The following CASP9 variants were observed in gnomAD, a reference collection of about 807,000 sequenced individuals.
The protein encoded by CASP9 is caspase 9, also known as caspase-9.
CASP9 carries 29 observed loss-of-function variants against 43.5 expected under a neutral mutation model. The observed-to-expected ratio is 0.67, with a 90% confidence interval of 0.50 to 0.91. The LOEUF (loss-of-function observed/expected upper bound fraction) is 0.91. CASP9 is among the 40% of genes least tolerant of loss of function. The pLI, the probability that CASP9 is intolerant of heterozygous loss-of-function variation, is 0.00. For synonymous variants in CASP9, 206 were observed against 211.9 expected (o/e 0.97, Z 0.24); for missense variants, 575 against 537.4 (o/e 1.07, Z -0.69).
In CASP9 at chr1:15,492,338, A is replaced by T. The variant is rs557195759; in HGVS notation, c.*605T>A. 1 of 152,392 alleles carries T rather than the reference A, an allele frequency of 6.6e-6. No homozygotes were observed. Among genetic ancestry groups the T allele is most frequent in the South Asian group, 2.1e-4 (1 of 4,832 alleles). The allele number at this position is 152,392 out of a possible 1,614,324, so 9.4% of individuals were successfully genotyped here. ...AATATAGGAAAAATTAACAATTTTT[A>T]AAATTTCACTTAGAATTCATAGATT... is the stretch of plus-strand genomic sequence containing the variant. On this transcript the variant is annotated 3_prime_UTR_variant, in exon 9 of 9. Transcript: ENST00000333868.
intron 6 of CASP9, among the ~76,000 whole-genome samples, chr1:15,502,886 G>A (rs1290616235): frequency 1.3e-5 from 2 of 152,220 alleles, no homozygotes; most frequent in Admixed American, 6.5e-5. Flanking sequence ...GACAGGAGGT[G>A]AGGCAGAGCA....
Position 15,492,721 on chromosome 1 carries a change from G to C in CASP9, c.*222C>G. On this transcript the variant is annotated 3_prime_UTR_variant, in exon 9 of 9. Transcript: ENST00000333868. Reference sequence around the variant, plus strand: ...GACCAGCCACTGCTCAAGAGGCCACGTGCAATCCACGGCATTCATCTGTCC... The same window carrying C: ...GACCAGCCACTGCTCAAGAGGCCACCTGCAATCCACGGCATTCATCTGTCC... The C allele has an allele frequency of 1.6e-6, 1 of 610,226 alleles. No homozygotes were observed. Among genetic ancestry groups the C allele is most frequent in the Admixed American group, 3.0e-5 (1 of 33,088 alleles). The allele number at this position is 610,226 out of a possible 1,614,324, so 37.8% of individuals were successfully genotyped here.
At chr1:15,496,566 C>T (rs4661636) in intron 6 of CASP9, among the ~76,000 whole-genome samples, 37,124 of 152,070 alleles carry the variant, frequency 0.24, 5,739 homozygotes, top group South Asian at 0.37. Context: ...TAGCAGGATA[C>T]GAAGCCAACC....
chr1:15,496,929 C>G (rs1462120968), intron 6 of CASP9, among the ~76,000 whole-genome samples: 2 of 151,926 alleles, frequency 1.3e-5, no homozygotes, highest in African/African-American at 4.8e-5. Context: ...GTGGGAGAAC[C>G]ACTTGAGTCC....
chr1:15,515,258 T>C (rs930943797), intron 2 of CASP9, among the ~76,000 whole-genome samples: 17 of 152,332 alleles, frequency 1.1e-4, no homozygotes, highest in African/African-American at 3.6e-4. Context: ...GTAATGCACA[T>C]GGCCAATTCC....
At chr1:15,500,604 G>A (rs1333940761) in intron 6 of CASP9, among the ~76,000 whole-genome samples, 1 of 152,142 alleles carries the variant, frequency 6.6e-6, no homozygotes, top group Non-Finnish European at 1.5e-5. Flanking sequence ...GCCTCCAAAG[G>A]GGGGCCTCTT....
At position 15,506,976 on chromosome 1, in the gene CASP9, T is replaced by A. The variant is rs751227269; in HGVS notation, c.553A>T (p.Ile185Phe). The A allele has an allele frequency of 6.2e-7, 1 of 1,614,158 alleles. No individual in the cohort carries two copies. Among genetic ancestry groups the A allele is most frequent in the Admixed American group, 1.7e-5 (1 of 60,022 alleles). ...CGACGCCGCAACTTCTCACAGTCGATGTTGGAGCCAGTGCGGGTGCGGAGC... is the reference window on the plus strand; with the variant it reads ...CGACGCCGCAACTTCTCACAGTCGAAGTTGGAGCCAGTGCGGGTGCGGAGC... Reference protein sequence around the residue: ...SGLRTRTGSNIDCEKLRRRFS... With the variant: ...SGLRTRTGSNFDCEKLRRRFS... Residue 185 changes from isoleucine (I) to phenylalanine (F), a missense_variant, in exon 4 of 9, where the codon ATC (isoleucine) becomes TTC (phenylalanine). Ile to Phe is a conservative substitution (Grantham distance 21). Transcript: ENST00000333868.
At chr1:15,497,173 T>G (rs1431949461) in intron 6 of CASP9, among the ~76,000 whole-genome samples, 2 of 150,850 alleles carry the variant, frequency 1.3e-5, no homozygotes, top group Non-Finnish European at 3.0e-5. Context: ...TACCCAGGCG[T>G]GGTGGTGGGC....
In CASP9 at chr1:15,518,095, T is replaced by C. The variant is rs1710023592; in HGVS notation, c.418+15A>G. The C allele has an allele frequency of 1.9e-6, 3 of 1,612,288 alleles. No individual in the cohort carries two copies. Among genetic ancestry groups the C allele is most frequent in the Non-Finnish European group, 2.5e-6 (3 of 1,178,626 alleles). On this transcript the variant is annotated intron_variant, in intron 2 of 8. Transcript: ENST00000333868. ...CGTGTCATGCCCACCCACCAATCAC[T>C]CTCTTGCTACTTACCGACATCACCA...
rs546032452 is a variant in CASP9, at chr1:15,521,664, C to A, written c.132+2405G>T. The stretch of plus-strand genomic sequence containing the variant: ...CTTATCAATCACTTAGAAGATTCAC[C>A]CTCCTTACCCTGTCCCCTTGCCTTA... On this transcript the variant is annotated intron_variant, in intron 1 of 8. Coordinates refer to ENST00000333868, the MANE Select transcript of CASP9 (RefSeq NM_001229.5). Among the ~76,000 whole-genome samples the A allele has an allele frequency of 2.6e-5, 4 of 152,310 alleles. No homozygotes were observed. The South Asian group carries it at 8.3e-4, about 32-fold the overall frequency.
At chr1:15,493,235 C>G (rs1402859033) in intron 8 of CASP9, 200 bp from the exon 9 acceptor site, 20 of 1,412,376 alleles carry the variant, frequency 1.4e-5, no homozygotes, top group Non-Finnish European at 1.6e-5. Flanking sequence ...TTTCCAAATT[C>G]ATAAAGTTCA....
chr1:15,511,917 A>T (rs1340817226), intron 2 of CASP9, among the ~76,000 whole-genome samples: 1 of 152,164 alleles, frequency 6.6e-6, no homozygotes, highest in Non-Finnish European at 1.5e-5. Context: ...CAATTTAGAA[A>T]TCACAGAAGG....
intron 6 of CASP9, among the ~76,000 whole-genome samples, chr1:15,497,699 G>C (rs1305965068): frequency 6.6e-6 from 1 of 151,418 alleles, no homozygotes; most frequent in Admixed American, 6.6e-5. Flanking sequence ...TCATGGATTA[G>C]AAAACTTAAA....
At chr1:15,493,569 A>G in intron 8 of CASP9, 1 of 1,419,690 alleles carries the variant, frequency 7.0e-7, no homozygotes, top group Non-Finnish European at 9.2e-7. Context: ...GGGGCCCATG[A>G]CCCGCCTTCA....
intron 1 of CASP9, among the ~76,000 whole-genome samples, chr1:15,523,815 T>G (rs943105702): frequency 6.6e-6 from 1 of 152,264 alleles, no homozygotes; most frequent in Non-Finnish European, 1.5e-5. Flanking sequence ...ATTCATGAAT[T>G]GTTTCTTATT....
At chr1:15,495,093 G>A (rs1016588983) in intron 7 of CASP9, among the ~76,000 whole-genome samples, 180 bp downstream of exon 7, 4 of 151,864 alleles carry the variant, frequency 2.6e-5, no homozygotes, top group East Asian at 1.9e-4. Context: ...CTTGCAGCGC[G>A]CATCCTTGCC....
intron 6 of CASP9, among the ~76,000 whole-genome samples, chr1:15,495,734 T>C (rs928950071): frequency 6.6e-6 from 1 of 152,166 alleles, no homozygotes; most frequent in Non-Finnish European, 1.5e-5. Context: ...TCCAAGATAG[T>C]TGTCTGATAA....
intron 6 of CASP9, among the ~76,000 whole-genome samples, chr1:15,498,286 C>T (rs1570831767): frequency 6.6e-6 from 1 of 151,916 alleles, no homozygotes; most frequent in East Asian, 1.9e-4. Flanking sequence ...GCCATGTTGC[C>T]CGGGCTGGTC....
At chr1:15,508,172 TC>T (rs1441669149) in intron 2 of CASP9, among the ~76,000 whole-genome samples, 1 of 152,156 alleles carries the variant, frequency 6.6e-6, no homozygotes, top group Non-Finnish European at 1.5e-5. Context: ...GCCAAAATGT[TC>T]CCTGAGGCCT....
Sources: gnomAD v4.1 joint callset for allele counts (sites outside exome capture counted in the v4.1 genomes callset) on GRCh38, gnomAD v4.1.1 for gene constraint, MANE v1.5 for transcripts, NCBI Gene and HGNC (gene_info 2026-07-23, HGNC 2026-07-21) for gene names.